The following CHPF variants were observed in gnomAD, a reference collection of about 807,000 sequenced individuals.
CHPF encodes chondroitin polymerizing factor, non-catalytic subunit.
In CHPF, 34 loss-of-function variants were observed where a neutral mutation model predicts 55.1. The observed-to-expected ratio is 0.62, with a 90% confidence interval of 0.47 to 0.82. The LOEUF (loss-of-function observed/expected upper bound fraction) is 0.82, where lower values mean the gene tolerates loss of function less well. Among genes scored for constraint, CHPF ranks in the 40% least tolerant of loss-of-function variants. CHPF has a pLI of 0.00. For missense variants in CHPF, 961 were observed against 1,106.1 expected, an observed-to-expected ratio of 0.87 and a Z score of 1.86; for synonymous variants, 489 against 496.6, an observed-to-expected ratio of 0.98 and a Z score of 0.20.
intron 1 of CHPF, among the ~76,000 whole-genome samples, chr2:219,542,678 CAG>C (rs1695302327): frequency 6.6e-6 from 1 of 152,182 alleles, no homozygotes; most frequent in Non-Finnish European, 1.5e-5. Context: ...AAACTGCACT[CAG>C]GGGCTCTAGG....
rs1238185879 is a variant in CHPF, at chr2:219,543,628, C to A, written c.-90G>T. 4.7e-6 allele frequency: 5 copies of A among 1,069,182 alleles called. No individual in the cohort carries two copies. The highest frequency in any genetic ancestry group is 6.1e-6 in the Non-Finnish European group (5 of 822,172). The allele number at this position is 1,069,182 out of a possible 1,614,324, so 66.2% of individuals were successfully genotyped here. A position where few individuals can be genotyped will look rare whatever the true frequency, so the allele number is the denominator to read the frequency against. On this transcript the variant is annotated 5_prime_UTR_variant, in exon 1 of 4. Coordinates refer to ENST00000243776, the MANE Select transcript of CHPF (RefSeq NM_024536.6). The stretch of plus-strand genomic sequence containing the variant: ...GGGCGGGACCGGGGAGGGGGCGGAT[C>A]CGGAGGGCTCGGGCCCCGCGGGCGG...
Position 219,541,608 on chromosome 2 carries a change from C to A in CHPF, c.888+8G>T. The A allele has an allele frequency of 1.3e-6, 2 of 1,546,440 alleles. No homozygotes were observed. Among genetic ancestry groups the A allele is most frequent in the East Asian group, 2.3e-5 (1 of 43,604 alleles). ...AGGAGGTATCAGTGGGATAGCTTAT[C>A]ATCCCACCTCGTGGTCACCAGTGCA... On this transcript the variant is annotated splice_region_variant and intron_variant, in intron 2 of 3. Transcript: ENST00000243776.
In CHPF at chr2:219,539,994, G is replaced by A; in HGVS notation, c.1717C>T (p.Leu573=). The change falls in exon 4 of 4, where the codon CTG becomes TTG. Residue 573 remains leucine (L), a synonymous_variant. Coordinates refer to ENST00000243776, the MANE Select transcript of CHPF (RefSeq NM_024536.6). The stretch of plus-strand genomic sequence containing the variant: ...CGGGCACCGGGGAAACGCCGCTCCA[G>A]CTCTGCCACGTGGGCCTTGACAGGT... The part of the protein sequence containing the change: ...FAPVKAHVAE[L]ERRFPGARVP... The A allele has an allele frequency of 6.2e-7, 1 of 1,613,690 alleles. No homozygotes were observed. Among genetic ancestry groups the A allele is most frequent in the Non-Finnish European group, 8.5e-7 (1 of 1,179,970 alleles).
At position 219,542,073 on chromosome 2, in the gene CHPF, C is replaced by A; in HGVS notation, c.431G>T (p.Arg144Leu). Residue 144 changes from arginine to leucine, a missense_variant, in exon 2 of 4, where the codon CGG becomes CTG. Coordinates refer to ENST00000243776, the MANE Select transcript of CHPF (RefSeq NM_024536.6). ...CGTCAGGAACACCACACGCTCCAGC[C>A]GGTGCCCCAGCGTGCGGTTCACGGC... ...GVAVNRTLGH[R>L]LERVVFLTGA... 1 of 1,573,858 alleles carries A rather than the reference C, an allele frequency of 6.4e-7. No individual in the cohort carries two copies. The highest frequency in any genetic ancestry group is 8.6e-7 in the Non-Finnish European group (1 of 1,165,314).
In CHPF at chr2:219,539,231, AGGGACCCACAGAGCCAGAGAG is replaced by A. The variant is rs532275302; in HGVS notation, c.*131_*151del. On this transcript the variant is annotated 3_prime_UTR_variant, in exon 4 of 4. Coordinates refer to ENST00000243776, the MANE Select transcript of CHPF (RefSeq NM_024536.6). ...GTCCCCCAGTGCTTGTCCAGAGCCC[AGGGACCCACAGAGCCAGAGAG>A]GGGACCAGTGGGCCAGCTTGGGGTC... 1.4e-4 allele frequency: 99 copies of A among 718,976 alleles called. No homozygotes were observed. The African/African-American group carries it at 1.5e-3, about 11-fold the overall frequency. The allele number at this position is 718,976 out of a possible 1,614,324, so 44.5% of individuals were successfully genotyped here.
intron 1 of CHPF, chr2:219,542,958 G>A: frequency 7.8e-7 from 1 of 1,279,112 alleles, no homozygotes; most frequent in Non-Finnish European, 9.9e-7. Context: ...CAGCCAGGGA[G>A]CTAGTAGGAT....
intron 1 of CHPF, chr2:219,542,861 C>T: frequency 1.9e-6 from 2 of 1,054,366 alleles, no homozygotes; most frequent in East Asian, 6.7e-5. Context: ...AACAAGAGAT[C>T]CAGGTAAATC....
chr2:219,540,331 AC>A lies in CHPF; in HGVS notation c.1379del (p.Gly460ValfsTer13). 6.2e-7 allele frequency: 1 copy of A among 1,613,750 alleles called. No individual in the cohort carries two copies. Among genetic ancestry groups the A allele is most frequent in the Non-Finnish European group, 8.5e-7 (1 of 1,179,934 alleles). ...NGYRRFDPAR[G>X]MEYTLDLQLE... The stretch of plus-strand genomic sequence containing the variant: ...GCTGCAAGTCCAGCGTGTATTCCAT[AC>A]CCCGGGCCGGATCAAAGCGTCGGTA... On this transcript the variant is annotated frameshift_variant, in exon 4 of 4. Coordinates refer to ENST00000243776, the MANE Select transcript of CHPF (RefSeq NM_024536.6). LOFTEE classifies it high-confidence loss of function.
At position 219,541,701 on chromosome 2, in the gene CHPF, T is replaced by C; in HGVS notation, c.803A>G (p.Asn268Ser). 1 of 1,612,066 alleles carries C rather than the reference T, an allele frequency of 6.2e-7. No individual in the cohort carries two copies. The highest frequency in any genetic ancestry group is 8.5e-7 in the Non-Finnish European group (1 of 1,179,126). ...GTCAGGGCGCGCACTGACGATGTCGTTGCGGCAGCCTTCCAGGTGGGGGCG... is the reference window on the plus strand; with the variant it reads ...GTCAGGGCGCGCACTGACGATGTCGCTGCGGCAGCCTTCCAGGTGGGGGCG... ...QLRPHLEGCRNDIVSARPDEW... is the reference protein window; with the variant it reads ...QLRPHLEGCRSDIVSARPDEW... The change falls in exon 2 of 4, where the codon AAC becomes AGC. Residue 268 changes from asparagine to serine, a missense_variant. Physicochemically the swap from Asn to Ser is conservative, Grantham distance 46. Coordinates refer to ENST00000243776, the MANE Select transcript of CHPF (RefSeq NM_024536.6).
chr2:219,541,589 TA>T, intron 2 of CHPF, 26 bp downstream of exon 2: 5 of 1,502,630 alleles, frequency 3.3e-6, no homozygotes, highest in Non-Finnish European at 4.5e-6. Context: ...GACAAGGAGG[TA>T]TCAGTGGGAT....
At position 219,543,796 on chromosome 2, in the gene CHPF, C is replaced by A. The variant is rs544703195; in HGVS notation, c.-258G>T. 2.6e-5 allele frequency: 12 copies of A among 456,690 alleles called. No homozygotes were observed. In the Admixed American group the frequency reaches 3.9e-4, roughly 15 times the overall value. 28.3% of individuals were successfully genotyped at this position (456,690 alleles called of 1,614,324 possible). A position where few individuals can be genotyped will look rare whatever the true frequency, so the allele number is the denominator to read the frequency against. ...AGCCTCAGCCGCGGCCGCAGCTGTCCGACGTGTCACTGCAAGGGCCCCGCC... is the reference window on the plus strand; with the variant it reads ...AGCCTCAGCCGCGGCCGCAGCTGTCAGACGTGTCACTGCAAGGGCCCCGCC... On this transcript the variant is annotated 5_prime_UTR_variant, in exon 1 of 4. Transcript: ENST00000243776.
rs1397790905 is a variant in CHPF at position 219,541,851 on chromosome 2, A to T, written c.653T>A (p.Leu218Gln). 6.2e-7 allele frequency: 1 copy of T among 1,611,234 alleles called. No homozygotes were observed. Among genetic ancestry groups the T allele is most frequent in the Admixed American group, 1.7e-5 (1 of 59,838 alleles). The change falls in exon 2 of 4, where the codon CTG becomes CAG. Residue 218 changes from leucine to glutamine, a missense_variant. Around this residue, in one of 3 missense-constraint regions of CHPF, gnomAD observed 936 missense variants for 1,058.4 expected, o/e 0.88. Transcript: ENST00000243776. Reference sequence around the variant, plus strand: ...CAGGTACAGGTGGGCGGCGGAGGCCAGGCTGAGGTGGCCAGTTAGGCGTGC... The same window carrying T: ...CAGGTACAGGTGGGCGGCGGAGGCCTGGCTGAGGTGGCCAGTTAGGCGTGC... Reference protein sequence around the residue: ...GLARLTGHLSLASAAHLYLGR... With the variant: ...GLARLTGHLSQASAAHLYLGR...
In CHPF at chr2:219,539,738, C is replaced by T. The variant is rs201933964; in HGVS notation, c.1973G>A (p.Gly658Glu). 1.2e-4 allele frequency: 194 copies of T among 1,613,382 alleles called. 1 individual carries two copies. Among genetic ancestry groups the T allele is most frequent in the Non-Finnish European group, 1.4e-4 (168 of 1,180,002 alleles). Residue 658 changes from glycine (G) to glutamate (E), a missense_variant, in exon 4 of 4, where the codon GGG becomes GAG. Physicochemically the swap from Gly to Glu is moderately conservative, Grantham distance 98. Coordinates refer to ENST00000243776, the MANE Select transcript of CHPF (RefSeq NM_024536.6). The stretch of plus-strand genomic sequence containing the variant: ...AGTGTCACGGCCCAGCTCTGGGGGC[C>T]CAGGCCCTTGTGGTGGGGCCACAGC... ...HPAVAPPQGP[G>E]PPELGRDTGR... is the part of the protein sequence containing the mutation.
rs6722853 is a variant in CHPF at position 219,539,997 on chromosome 2, C to T, written c.1714G>A (p.Glu572Lys). ...GCACCGGGGAAACGCCGCTCCAGCT[C>T]TGCCACGTGGGCCTTGACAGGTGCG... ...VFAPVKAHVA[E>K]LERRFPGARV... Residue 572 changes from glutamate to lysine, a missense_variant, in exon 4 of 4, where the codon GAG (glutamate) becomes AAG (lysine). Transcript: ENST00000243776. The T allele has an allele frequency of 3.1e-6, 5 of 1,613,612 alleles. No individual in the cohort carries two copies. Among genetic ancestry groups the T allele is most frequent in the African/African-American group, 2.7e-5 (2 of 74,954 alleles).
In CHPF at chr2:219,539,967, C is replaced by T; in HGVS notation, c.1744G>A (p.Val582Met). 1 of 1,613,758 alleles carries T rather than the reference C, an allele frequency of 6.2e-7. No homozygotes were observed. ...GCTGTCTGCACACTGAGCCATGGCACCCGGGCACCGGGGAAACGCCGCTCC... is the reference window on the plus strand; with the variant it reads ...GCTGTCTGCACACTGAGCCATGGCATCCGGGCACCGGGGAAACGCCGCTCC... ...ELERRFPGAR[V>M]PWLSVQTAAP... Residue 582 changes from valine to methionine, a missense_variant, in exon 4 of 4, where the codon GTG (valine) becomes ATG (methionine). This residue lies in a region of CHPF where 936 missense variants were observed against 1,058.4 expected (regional missense o/e 0.88). Transcript: ENST00000243776.
At position 219,542,032 on chromosome 2, in the gene CHPF, G is replaced by T. The variant is rs571316585; in HGVS notation, c.472C>A (p.Arg158=). ...ACCACTGCCATGCCAGGTGGGGCCC[G>T]GCGGCCCCGTGCGCCCGTCAGGAAC... ...VVFLTGARGR[R]APPGMAVVTL... is the part of the protein sequence containing the mutation. The change falls in exon 2 of 4, where the codon CGG becomes AGG. Residue 158 remains arginine (R), a synonymous_variant. Transcript: ENST00000243776. 5 of 1,591,768 alleles carry T rather than the reference G, an allele frequency of 3.1e-6. No individual in the cohort carries two copies. The East Asian group carries it at 6.9e-5, about 22-fold the overall frequency.
chr2:219,539,474 T>C lies in CHPF; in HGVS notation c.2237A>G (p.His746Arg), dbSNP rs1559122379. ...CTCAAGCACGCTCTGGAGGCAGCGG[T>C]GGTACAGGTCCTCACTGAGCCTCGC... Reference protein sequence around the residue: ...CSARLSEDLYHRCLQSVLEGL... With the variant: ...CSARLSEDLYRRCLQSVLEGL... Residue 746 changes from histidine (H) to arginine (R), a missense_variant, in exon 4 of 4, where the codon CAC (histidine) becomes CGC (arginine). Around this residue, in one of 3 missense-constraint regions of CHPF, gnomAD observed 936 missense variants for 1,058.4 expected, o/e 0.88. Coordinates refer to ENST00000243776, the MANE Select transcript of CHPF (RefSeq NM_024536.6). 12 of 1,613,500 alleles carry C rather than the reference T, an allele frequency of 7.4e-6. No homozygotes were observed. Among genetic ancestry groups the C allele is most frequent in the Non-Finnish European group, 1.0e-5 (12 of 1,179,798 alleles).
chr2:219,540,688 GCAGCACA>G (rs1457936615), intron 3 of CHPF, 46 bp from the exon 4 acceptor site: 1 of 1,513,678 alleles, frequency 6.6e-7, no homozygotes, highest in East Asian at 2.3e-5. Context: ...ATTACAGGGA[GCAGCACA>G]CAGCTGGGGG....
chr2:219,541,183 T>C (rs1441269565), intron 2 of CHPF, 58 bp from the exon 3 acceptor site: 2 of 1,467,108 alleles, frequency 1.4e-6, no homozygotes, highest in African/African-American at 1.4e-5. Flanking sequence ...CGTTGTCTCA[T>C]AGTAAGTGTC....
Sources: allele counts gnomAD v4.1 joint callset (sites outside exome capture counted in the v4.1 genomes callset), GRCh38; gene constraint gnomAD v4.1.1; regional missense constraint gnomAD v4.1.1; transcripts MANE v1.5; gene names NCBI Gene and HGNC (gene_info 2026-07-23, HGNC 2026-07-21).